EFNA5: variants seen among roughly 807,000 people sequenced by gnomAD.
EFNA5 encodes the protein ephrin A5.
In EFNA5, 5 loss-of-function variants were observed where a neutral mutation model predicts 22.9. That is an observed-to-expected ratio of 0.22 (90% CI 0.11 to 0.46). The LOEUF is 0.46. EFNA5 is among the 20% of genes least tolerant of loss of function. The pLI, the probability that EFNA5 is intolerant of heterozygous loss-of-function variation, is 0.99. For synonymous variants in EFNA5, 113 were observed against 112.2 expected (o/e 1.01, Z -0.04); for missense variants, 237 against 293.3 (o/e 0.81, Z 1.40).
chr5:107,409,710 A>T lies in EFNA5; in HGVS notation c.418+17507T>A, dbSNP rs186274321. On this transcript the variant is annotated intron_variant, in intron 2 of 4. Transcript: ENST00000333274. ...CTAGTTATTGAAGCCAACTAGTTAA[A>T]TTGTTCATTAAAGTGGAACAAAGTT... Among the ~76,000 whole-genome samples the T allele has an allele frequency of 2.0e-4, 30 of 152,354 alleles. No homozygotes were observed. The East Asian group carries it at 5.4e-3, about 27-fold the overall frequency.
intron 1 of EFNA5, among the ~76,000 whole-genome samples, chr5:107,584,029 C>G (rs536495862): frequency 6.6e-6 from 1 of 152,098 alleles, no homozygotes; most frequent in African/African-American, 2.4e-5. Flanking sequence ...ACAGGCTCGG[C>G]GTCCACAGGG....
At chr5:107,598,192 C>A (rs1454998246) in intron 1 of EFNA5, among the ~76,000 whole-genome samples, 1 of 152,128 alleles carries the variant, frequency 6.6e-6, no homozygotes, top group Non-Finnish European at 1.5e-5. Flanking sequence ...CACTACCCCT[C>A]TCTCAGTAAC....
intron 1 of EFNA5, among the ~76,000 whole-genome samples, chr5:107,432,838 T>C (rs1748999655): frequency 6.6e-6 from 1 of 152,174 alleles, no homozygotes; most frequent in African/African-American, 2.4e-5. Context: ...GTGGACTTGC[T>C]TCTACCTGTG....
intron 2 of EFNA5, among the ~76,000 whole-genome samples, chr5:107,403,210 C>T (rs530581384): frequency 6.6e-6 from 1 of 152,150 alleles, no homozygotes; most frequent in South Asian, 2.1e-4. Flanking sequence ...GAGTTAGACA[C>T]GATTTCCACC....
intron 1 of EFNA5, among the ~76,000 whole-genome samples, chr5:107,447,484 C>G (rs1580457274): frequency 6.6e-6 from 1 of 152,106 alleles, no homozygotes; most frequent in Non-Finnish European, 1.5e-5. Flanking sequence ...GGTGGAGAAA[C>G]AGAAATGAAC....
At chr5:107,514,937 C>G (rs1747445383) in intron 1 of EFNA5, among the ~76,000 whole-genome samples, 1 of 152,174 alleles carries the variant, frequency 6.6e-6, no homozygotes, top group Admixed American at 6.5e-5. Flanking sequence ...AGCCCCAAAT[C>G]ATTTTCTAAC....
At chr5:107,644,692 T>C (rs1160554559) in intron 1 of EFNA5, among the ~76,000 whole-genome samples, 1 of 152,094 alleles carries the variant, frequency 6.6e-6, no homozygotes, top group Non-Finnish European at 1.5e-5. Context: ...CTGTCTACTT[T>C]TTTCTGTTTT....
At chr5:107,637,033 A>T (rs931749903) in intron 1 of EFNA5, among the ~76,000 whole-genome samples, 5 of 152,200 alleles carry the variant, frequency 3.3e-5, no homozygotes, top group Non-Finnish European at 1.5e-5. Context: ...ATTTAATTTT[A>T]TTCAGGCCAG....
intron 1 of EFNA5, among the ~76,000 whole-genome samples, chr5:107,584,786 G>T (rs1332357809): frequency 6.6e-6 from 1 of 152,116 alleles, no homozygotes; most frequent in Admixed American, 6.5e-5. Flanking sequence ...AGTGTTTGTG[G>T]AACAAATGAA....
intron 1 of EFNA5, among the ~76,000 whole-genome samples, chr5:107,459,274 A>G (rs1263702146): frequency 6.6e-6 from 1 of 151,696 alleles, no homozygotes; most frequent in Admixed American, 6.6e-5. Flanking sequence ...AATAGCTTGA[A>G]CCTGGGAGGT....
At chr5:107,605,333 T>C (rs1392780409) in intron 1 of EFNA5, among the ~76,000 whole-genome samples, 1 of 152,160 alleles carries the variant, frequency 6.6e-6, no homozygotes, top group East Asian at 1.9e-4. Context: ...AGCACATTAA[T>C]GACAAAAGTT....
At chr5:107,615,968 T>C (rs1040150285) in intron 1 of EFNA5, among the ~76,000 whole-genome samples, 2 of 152,246 alleles carry the variant, frequency 1.3e-5, no homozygotes, top group Non-Finnish European at 2.9e-5. Context: ...ATTCTGCATT[T>C]ATAAATTATT....
chr5:107,408,716 C>G (rs1043053435), intron 2 of EFNA5, among the ~76,000 whole-genome samples: 6 of 152,168 alleles, frequency 3.9e-5, no homozygotes, highest in South Asian at 2.1e-4. Flanking sequence ...CAAGACTTCT[C>G]CTGGTAAGGC....
intron 1 of EFNA5, among the ~76,000 whole-genome samples, chr5:107,568,453 G>A (rs776397816): frequency 1.6e-4 from 25 of 152,320 alleles, no homozygotes; most frequent in Non-Finnish European, 2.2e-4. Flanking sequence ...TAGTGGAGGG[G>A]AAGCAATGGT....
intron 1 of EFNA5, among the ~76,000 whole-genome samples, chr5:107,541,213 T>C (rs1212771026): frequency 6.6e-6 from 1 of 152,182 alleles, no homozygotes. Context: ...ATTATTAATA[T>C]AATTACATAA....
At chr5:107,580,096 G>A (rs1749010752) in intron 1 of EFNA5, among the ~76,000 whole-genome samples, 1 of 152,146 alleles carries the variant, frequency 6.6e-6, no homozygotes, top group Non-Finnish European at 1.5e-5. Context: ...ACTTTTAAGG[G>A]TGCTTGACAA....
chr5:107,422,392 G>A (rs1373499640), intron 2 of EFNA5, among the ~76,000 whole-genome samples: 1 of 152,204 alleles, frequency 6.6e-6, no homozygotes, highest in African/African-American at 2.4e-5. Context: ...GGGATGATAA[G>A]TGCCTGAGGA....
rs145130794 is a variant in EFNA5, at chr5:107,639,095, C to T, written c.125+31394G>A. ...AGTTATAAAAGCGTTTCATTTAAAA[C>T]ACAACATATTACTTCGGTGATTTAA... On this transcript the variant is annotated intron_variant, in intron 1 of 4. Transcript: ENST00000333274. Among the ~76,000 whole-genome samples, 18 of 152,274 alleles carry T rather than the reference C, an allele frequency of 1.2e-4. No homozygotes were observed. In the East Asian group the frequency reaches 3.5e-3, roughly 29 times the overall value.
chr5:107,548,395 T>A lies in EFNA5; in HGVS notation c.126-120886A>T, dbSNP rs459400. Reference sequence around the variant, plus strand: ...AATGCTACATTAATGGTCAAAATATTTTTTTCCTGAAATTTTGCTTCACAT... The same window carrying A: ...AATGCTACATTAATGGTCAAAATATATTTTTCCTGAAATTTTGCTTCACAT... On this transcript the variant is annotated intron_variant, in intron 1 of 4. Transcript: ENST00000333274. 2.0e-5 allele frequency among the ~76,000 whole-genome samples: 3 copies of A among 151,980 alleles called. No individual in the cohort carries two copies. The East Asian group carries it at 5.8e-4, about 29-fold the overall frequency.
Sources: gnomAD v4.1 joint callset for allele counts (sites outside exome capture counted in the v4.1 genomes callset) on GRCh38, gnomAD v4.1.1 for gene constraint, MANE v1.5 for transcripts, NCBI Gene and HGNC (gene_info 2026-07-23, HGNC 2026-07-21) for gene names.